CADPS2: variants seen among roughly 807,000 people sequenced by gnomAD.
The protein encoded by CADPS2 is calcium-dependent secretion activator 2.
A neutral mutation model predicts 172.5 loss-of-function variants in CADPS2; 93 were observed. That is an observed-to-expected ratio of 0.54 (90% CI 0.46 to 0.64). The LOEUF is 0.64. Among genes scored for constraint, CADPS2 ranks in the 30% least tolerant of loss-of-function variants. CADPS2 has a pLI of 0.00. For synonymous variants in CADPS2, 546 were observed against 555.2 expected (o/e 0.98, Z 0.23); for missense variants, 1,420 against 1,565.9 (o/e 0.91, Z 1.57).
At chr7:122,822,908 C>A in intron 1 of CADPS2, among the ~76,000 whole-genome samples, 1 of 152,080 alleles carries the variant, frequency 6.6e-6, no homozygotes, top group South Asian at 2.1e-4. Context: ...ACTCTCTTTT[C>A]GGACTCACCC....
In CADPS2 at chr7:122,360,780, A is replaced by G. The variant is rs1053798062; in HGVS notation, c.3504+8T>C. On this transcript the variant is annotated splice_region_variant and intron_variant, in intron 27 of 29. Coordinates refer to ENST00000449022, the MANE Select transcript of CADPS2 (RefSeq NM_017954.11). ...TACAGTTTTAAAAAGCAGATAAAAAATACTTACTGGAACATCAACATATTT... is the reference window on the plus strand; with the variant it reads ...TACAGTTTTAAAAAGCAGATAAAAAGTACTTACTGGAACATCAACATATTT... 1 of 1,550,036 alleles carries G rather than the reference A, an allele frequency of 6.5e-7. No homozygotes were observed. Among genetic ancestry groups the G allele is most frequent in the Non-Finnish European group, 8.7e-7 (1 of 1,148,222 alleles).
At position 122,737,018 on chromosome 7, in the gene CADPS2, G is replaced by A. The variant is rs1287676314; in HGVS notation, c.390C>T (p.Leu130=). The change falls in exon 2 of 30, where the codon CTC becomes CTT. Residue 130 remains leucine (L), a synonymous_variant. Transcript: ENST00000449022. ...QLLKERFQAF[L]NGETQIVADE... is the part of the protein sequence containing the mutation. ...CAGCTACAATTTGGGTTTCCCCATTGAGGAAGGCCTGGAACCGTTCTTTCA... is the reference window on the plus strand; with the variant it reads ...CAGCTACAATTTGGGTTTCCCCATTAAGGAAGGCCTGGAACCGTTCTTTCA... The A allele has an allele frequency of 3.1e-6, 5 of 1,612,850 alleles. No homozygotes were observed. The East Asian group carries it at 8.9e-5, about 29-fold the overall frequency.
At chr7:122,632,723 G>C (rs961780766) in intron 3 of CADPS2, among the ~76,000 whole-genome samples, 1 of 152,218 alleles carries the variant, frequency 6.6e-6, no homozygotes, top group African/African-American at 2.4e-5. Flanking sequence ...GTCAATTTTT[G>C]TTTTCACTGT....
rs1007217283 is a variant in CADPS2 at position 122,622,793 on chromosome 7, T to C, written c.868-1076A>G. Among the ~76,000 whole-genome samples the C allele has an allele frequency of 7.2e-4, 110 of 152,330 alleles. 1 individual carries two copies. The highest frequency in any genetic ancestry group is 2.5e-3 in the African/African-American group (105 of 41,576). On this transcript the variant is annotated intron_variant, in intron 4 of 29. Coordinates refer to ENST00000449022, the MANE Select transcript of CADPS2 (RefSeq NM_017954.11). Reference sequence around the variant, plus strand: ...GAATGCTCCAGAAAAGCACTGCCTTTACTGTTGTCTCCCTTGACATCATTC... The same window carrying C: ...GAATGCTCCAGAAAAGCACTGCCTTCACTGTTGTCTCCCTTGACATCATTC...
chr7:122,669,351 ATATAT>A (rs1345751210), intron 2 of CADPS2, among the ~76,000 whole-genome samples: 2 of 76,114 alleles, frequency 2.6e-5, no homozygotes, highest in African/African-American at 6.2e-5. Context: ...ATATATATAT[ATATAT>A]TTTTTTTTTT....
At chr7:122,701,120 A>G (rs368381865) in intron 2 of CADPS2, among the ~76,000 whole-genome samples, 12 of 152,284 alleles carry the variant, frequency 7.9e-5, no homozygotes, top group African/African-American at 2.9e-4. Flanking sequence ...CTAATTCTCT[A>G]TGGCAATGTC....
intron 8 of CADPS2, among the ~76,000 whole-genome samples, chr7:122,534,399 A>G (rs17144531): frequency 6.6e-6 from 1 of 152,020 alleles, no homozygotes; most frequent in Non-Finnish European, 1.5e-5. Flanking sequence ...AAGTAACTAC[A>G]CAGAGGAGAG....
intron 1 of CADPS2, among the ~76,000 whole-genome samples, chr7:122,759,384 A>C (rs1379516936): frequency 6.6e-6 from 1 of 152,198 alleles, no homozygotes; most frequent in Non-Finnish European, 1.5e-5. Flanking sequence ...TGAAATGCAA[A>C]GGTTAGGAAA....
chr7:122,345,730 T>C (rs773731270), intron 27 of CADPS2, 49 bp from the exon 28 acceptor site: 4 of 1,144,012 alleles, frequency 3.5e-6, no homozygotes, highest in Non-Finnish European at 1.3e-6. Context: ...AGGTCTCAAT[T>C]GTGAAATTAT....
rs1389340584 is a variant in CADPS2, at chr7:122,829,728, T to C, written c.339+56271A>G. On this transcript the variant is annotated intron_variant, in intron 1 of 29. Coordinates refer to ENST00000449022, the MANE Select transcript of CADPS2 (RefSeq NM_017954.11). ...AAAATATAATTTGAAAGGTGTCTTTTAAGAAAACATTCAGAAGTAAAAATA... is the reference window on the plus strand; with the variant it reads ...AAAATATAATTTGAAAGGTGTCTTTCAAGAAAACATTCAGAAGTAAAAATA... Among the ~76,000 whole-genome samples the C allele has an allele frequency of 2.6e-5, 4 of 151,780 alleles. No homozygotes were observed. The East Asian group carries it at 7.7e-4, about 29-fold the overall frequency.
At chr7:122,356,808 ACAGAGTTTC>A (rs1239227695) in intron 27 of CADPS2, among the ~76,000 whole-genome samples, 1 of 152,150 alleles carries the variant, frequency 6.6e-6, no homozygotes, top group East Asian at 1.9e-4. Flanking sequence ...TCTTTGAAAC[ACAGAGTTTC>A]CAGTTTTGTG....
intron 27 of CADPS2, among the ~76,000 whole-genome samples, chr7:122,355,414 T>C (rs941353010): frequency 1.3e-5 from 2 of 152,114 alleles, no homozygotes; most frequent in Admixed American, 1.3e-4. Flanking sequence ...ACCCCATCTC[T>C]ATTAAAAATA....
intron 3 of CADPS2, among the ~76,000 whole-genome samples, chr7:122,645,782 T>C (rs941378071): frequency 8.2e-5 from 12 of 147,076 alleles, no homozygotes; most frequent in African/African-American, 2.7e-4. Context: ...CCCTGCTATA[T>C]ATATGAGATA....
intron 27 of CADPS2, among the ~76,000 whole-genome samples, chr7:122,358,177 T>A (rs1255884466): frequency 1.3e-5 from 2 of 152,188 alleles, no homozygotes; most frequent in Admixed American, 6.5e-5. Flanking sequence ...TTCTAACAAG[T>A]ACATAGTGGT....
chr7:122,606,117 CATCA>C (rs1426095626), intron 6 of CADPS2, among the ~76,000 whole-genome samples: 2 of 152,160 alleles, frequency 1.3e-5, no homozygotes, highest in East Asian at 1.9e-4. Flanking sequence ...TTGATTACAT[CATCA>C]ATCAATCACT....
At chr7:122,498,493 T>A (rs2058938817) in intron 9 of CADPS2, among the ~76,000 whole-genome samples, 2 of 152,194 alleles carry the variant, frequency 1.3e-5, no homozygotes, top group South Asian at 4.1e-4. Flanking sequence ...CTTGAAGCTT[T>A]CTTTCCTCCA....
intron 1 of CADPS2, among the ~76,000 whole-genome samples, chr7:122,782,323 T>C (rs576784221): frequency 2.6e-4 from 40 of 152,236 alleles, no homozygotes; most frequent in Admixed American, 2.4e-3. Context: ...CTTCATAGAA[T>C]TGTTAAATAA....
In CADPS2 at chr7:122,416,110, G is replaced by C; in HGVS notation, c.2531C>G (p.Ala844Gly). 6.4e-7 allele frequency: 1 copy of C among 1,554,198 alleles called. No individual in the cohort carries two copies. The highest frequency in any genetic ancestry group is 2.4e-5 in the East Asian group (1 of 42,474). Residue 844 changes from alanine to glycine, a missense_variant, in exon 18 of 30, where the codon GCA becomes GGA. Ala to Gly is a moderately conservative substitution (Grantham distance 60). Transcript: ENST00000449022. ...CTGTAAGACTTCTATGCAGAGCTCT[G>C]CCAGATGAAGAATCTCTTCCAGCTT... ...ARKLEEILHL[A>G]ELCIEVLQQN...
chr7:122,489,270 AT>A (rs2152300896), intron 11 of CADPS2, among the ~76,000 whole-genome samples: 1 of 152,322 alleles, frequency 6.6e-6, no homozygotes, highest in African/African-American at 2.4e-5. Flanking sequence ...AGAGAAGAGA[AT>A]AGTTACTTGA....
Sources: gnomAD v4.1 joint callset for allele counts (sites outside exome capture counted in the v4.1 genomes callset) on GRCh38, gnomAD v4.1.1 for gene constraint, MANE v1.5 for transcripts, NCBI Gene and HGNC (gene_info 2026-07-23, HGNC 2026-07-21) for gene names.